Variants in NHS observed in about 807,000 individuals in gnomAD.
NHS encodes the protein NHS actin remodeling regulator, also known as actin remodeling regulator NHS.
In NHS, 5 loss-of-function variants were observed where a neutral mutation model predicts 72.5. The ratio of observed to expected loss-of-function variants is 0.07; its 90% confidence interval spans 0.04 to 0.14. The LOEUF (loss-of-function observed/expected upper bound fraction) is 0.14. Ranked by LOEUF, NHS falls within the 10% of genes least tolerant of loss-of-function variation. NHS has a pLI of 1.00. For missense variants in NHS, 1,072 were observed against 1,355.7 expected, an observed-to-expected ratio of 0.79 and a Z score of 3.29; for synonymous variants, 464 against 547.7, an observed-to-expected ratio of 0.85 and a Z score of 2.13.
intron 1 of NHS, among the ~76,000 whole-genome samples, chrX:17,435,710 T>C (rs1352227232): frequency 8.9e-6 from 1 of 112,845 alleles, no homozygotes; most frequent in Non-Finnish European, 1.9e-5. Flanking sequence ...AGCATCAGAA[T>C]TGTCAGCTTA....
At chrX:17,554,897 T>A (rs2065360208) in intron 1 of NHS, among the ~76,000 whole-genome samples, 2 of 110,764 alleles carry the variant, frequency 1.8e-5, no homozygotes, top group Non-Finnish European at 3.8e-5. Flanking sequence ...ATGTGCAGAA[T>A]GTGCAGGTTT....
chrX:17,665,366 G>A (rs1326342197), intron 1 of NHS, among the ~76,000 whole-genome samples: 1 of 77,834 alleles, frequency 1.3e-5, no homozygotes, highest in African/African-American at 5.4e-5. Flanking sequence ...TCTCGCTGTC[G>A]CCCAGGCTGG....
intron 1 of NHS, among the ~76,000 whole-genome samples, chrX:17,482,531 A>C (rs775707468): frequency 1.1e-4 from 12 of 112,483 alleles, no homozygotes; most frequent in Non-Finnish European, 1.7e-4. Flanking sequence ...ATCATAGATC[A>C]TGGCAGAATA....
chrX:17,513,090 C>T (rs780779506), intron 1 of NHS, among the ~76,000 whole-genome samples: 4 of 111,950 alleles, frequency 3.6e-5, no homozygotes, highest in Non-Finnish European at 5.6e-5. Flanking sequence ...TTTCTTGGAA[C>T]GGGCTTAAAC....
intron 1 of NHS, among the ~76,000 whole-genome samples, chrX:17,549,592 G>A (rs1041385978): frequency 8.9e-6 from 1 of 111,957 alleles, no homozygotes. Flanking sequence ...GTGTGAGGAT[G>A]CGCTGACCAC....
At chrX:17,655,937 T>C (rs2065952002) in intron 1 of NHS, among the ~76,000 whole-genome samples, 1 of 113,076 alleles carries the variant, frequency 8.8e-6, no homozygotes, top group Admixed American at 9.2e-5. Context: ...AGGCTGGAGC[T>C]GGGCATGGAC....
chrX:17,527,648 G>T (rs2065179488), intron 1 of NHS, among the ~76,000 whole-genome samples: 1 of 112,480 alleles, frequency 8.9e-6, no homozygotes, highest in South Asian at 3.7e-4. Context: ...AATAGAGGGA[G>T]TGCTCCCTTT....
chrX:17,729,802 G>A (rs899365330), intron 8 of NHS, among the ~76,000 whole-genome samples: 5 of 112,145 alleles, frequency 4.5e-5, no homozygotes, highest in Admixed American at 9.4e-5. Flanking sequence ...CTTAGACCTC[G>A]GGAACCTAGA....
chrX:17,398,131 G>T (rs769691117), intron 1 of NHS, among the ~76,000 whole-genome samples: 1 of 111,892 alleles, frequency 8.9e-6, no homozygotes, highest in African/African-American at 3.2e-5. Context: ...TTTATCTCAA[G>T]ATCCCTGAGG....
chrX:17,562,411 T>C (rs771166472), intron 1 of NHS, among the ~76,000 whole-genome samples: 2 of 112,041 alleles, frequency 1.8e-5, no homozygotes, highest in African/African-American at 6.5e-5. Context: ...TGGAAGTTGC[T>C]AATTCCCCAG....
intron 1 of NHS, among the ~76,000 whole-genome samples, chrX:17,624,130 T>G (rs2065786916): frequency 8.9e-6 from 1 of 112,499 alleles, no homozygotes; most frequent in Non-Finnish European, 1.9e-5. Flanking sequence ...ATCATTGTAC[T>G]GTTTAAGCAG....
chrX:17,535,467 C>A (rs1171849490), intron 1 of NHS, among the ~76,000 whole-genome samples: 1 of 111,909 alleles, frequency 8.9e-6, no homozygotes, highest in Non-Finnish European at 1.9e-5. Context: ...TATTTCTCGT[C>A]TGCTCTAGTT....
chrX:17,381,478 G>C (rs775347828), intron 1 of NHS, among the ~76,000 whole-genome samples: 1 of 111,267 alleles, frequency 9.0e-6, no homozygotes, highest in Non-Finnish European at 1.9e-5. Context: ...CTTCCCAAAA[G>C]TAACAACTCT....
At chrX:17,687,316 G>C (rs2066168504) in intron 1 of NHS, 1 of 219,009 alleles carries the variant, frequency 4.6e-6, no homozygotes, top group Non-Finnish European at 8.6e-6. Context: ...ACAGCTCTGA[G>C]GCCCTGCGGC....
chrX:17,685,148 T>C (rs2066154441), intron 1 of NHS, among the ~76,000 whole-genome samples: 1 of 111,542 alleles, frequency 9.0e-6, no homozygotes, highest in Non-Finnish European at 1.9e-5. Context: ...AGAGCTCCAT[T>C]AGTGGCTGTC....
At chrX:17,619,366 A>T (rs2065761918) in intron 1 of NHS, among the ~76,000 whole-genome samples, 1 of 110,884 alleles carries the variant, frequency 9.0e-6, no homozygotes, top group Admixed American at 9.5e-5. Flanking sequence ...CAGGAAACTG[A>T]CCTCTGTTGC....
At chrX:17,627,807 T>C (rs759739095) in intron 1 of NHS, among the ~76,000 whole-genome samples, 1 of 112,343 alleles carries the variant, frequency 8.9e-6, no homozygotes, top group East Asian at 2.8e-4. Flanking sequence ...GAAAACCCCA[T>C]GGTTTCTCCT....
chrX:17,618,250 T>G (rs2065755986), intron 1 of NHS, among the ~76,000 whole-genome samples: 1 of 111,962 alleles, frequency 8.9e-6, no homozygotes, highest in Non-Finnish European at 1.9e-5. Flanking sequence ...CATTATTACT[T>G]TTGAAGTTAG....
chrX:17,382,531 C>G (rs1828051625), intron 1 of NHS, among the ~76,000 whole-genome samples: 1 of 112,325 alleles, frequency 8.9e-6, no homozygotes, highest in Non-Finnish European at 1.9e-5. Flanking sequence ...AGAAATTTTT[C>G]ATTTTGCCTT....
Sources: allele counts gnomAD v4.1 joint callset (sites outside exome capture counted in the v4.1 genomes callset), GRCh38; gene constraint gnomAD v4.1.1; transcripts MANE v1.5; gene names NCBI Gene and HGNC (gene_info 2026-07-23, HGNC 2026-07-21).